WHRN: variants seen among roughly 807,000 people sequenced by gnomAD.
The protein encoded by WHRN is CASK-interacting protein CIP98.
In WHRN, 41 loss-of-function variants were observed where a neutral mutation model predicts 68.3. That is an observed-to-expected ratio of 0.60 (90% CI 0.47 to 0.78). The LOEUF is 0.78. Among genes scored for constraint, WHRN ranks in the 30% least tolerant of loss-of-function variants. The pLI is 0.00. For synonymous variants in WHRN, 560 were observed against 561.3 expected (o/e 1.00, Z 0.03); for missense variants, 1,243 against 1,244.7 (o/e 1.00, Z 0.02).
At chr9:114,421,219 G>C (rs964133681) in intron 7 of WHRN, among the ~76,000 whole-genome samples, 25 of 152,226 alleles carry the variant, frequency 1.6e-4, no homozygotes, top group Admixed American at 1.2e-3. Flanking sequence ...CCCTCTGGCA[G>C]AGCAGGGCCA....
chr9:114,462,573 G>A (rs1473705611), intron 3 of WHRN, among the ~76,000 whole-genome samples: 2 of 152,194 alleles, frequency 1.3e-5, no homozygotes, highest in African/African-American at 4.8e-5. Context: ...ATAACAGAAA[G>A]AATTTGATCT....
At chr9:114,449,080 C>G (rs1839085639) in intron 3 of WHRN, among the ~76,000 whole-genome samples, 1 of 152,224 alleles carries the variant, frequency 6.6e-6, no homozygotes, top group Admixed American at 6.5e-5. Context: ...TTCTATCCCA[C>G]AGCAGAGGCT....
chr9:114,488,007 C>G (rs1441290354), intron 1 of WHRN, among the ~76,000 whole-genome samples: 1 of 152,332 alleles, frequency 6.6e-6, no homozygotes, highest in Non-Finnish European at 1.5e-5. Flanking sequence ...TAAAGCACTG[C>G]AAAGCACCAA....
At chr9:114,469,222 C>T (rs927961945) in intron 2 of WHRN, among the ~76,000 whole-genome samples, 3 of 152,202 alleles carry the variant, frequency 2.0e-5, no homozygotes, top group Admixed American at 6.5e-5. Flanking sequence ...GCAGGTGTGG[C>T]CTTCCTCAGG....
chr9:114,494,384 A>AT (rs1843269843), intron 1 of WHRN, among the ~76,000 whole-genome samples: 1 of 152,162 alleles, frequency 6.6e-6, no homozygotes, highest in South Asian at 2.1e-4. Context: ...AATCATCAGT[A>AT]TCCCCATTTT....
At chr9:114,449,827 G>A (rs1367912017) in intron 3 of WHRN, among the ~76,000 whole-genome samples, 3 of 152,204 alleles carry the variant, frequency 2.0e-5, no homozygotes, top group Non-Finnish European at 2.9e-5. Context: ...GACAATTACA[G>A]CTACCATTTC....
At chr9:114,485,635 TG>T (rs1842418413) in intron 1 of WHRN, among the ~76,000 whole-genome samples, 1 of 152,104 alleles carries the variant, frequency 6.6e-6, no homozygotes, top group Admixed American at 6.5e-5. Context: ...GAGGTTACCA[TG>T]AGCCAAGATT....
At chr9:114,486,444 A>G (rs551027524) in intron 1 of WHRN, among the ~76,000 whole-genome samples, 28 of 152,306 alleles carry the variant, frequency 1.8e-4, no homozygotes, top group Non-Finnish European at 2.8e-4. Flanking sequence ...CTTGAGGCAC[A>G]TTACATGTTC....
intron 7 of WHRN, among the ~76,000 whole-genome samples, chr9:114,410,683 C>A (rs1047011325): frequency 6.6e-6 from 1 of 152,228 alleles, no homozygotes; most frequent in Non-Finnish European, 1.5e-5. Flanking sequence ...GCTTCAGGGG[C>A]ATAGTCAGGC....
At position 114,484,395 on chromosome 9, in the gene WHRN, C is replaced by A. The variant is rs544103033; in HGVS notation, c.619-5624G>T. ...ATGGCATATTAGCTGTGCCACCTCACACAAGTTACCAAACCTCTCTGTTCT... is the reference window on the plus strand; with the variant it reads ...ATGGCATATTAGCTGTGCCACCTCAAACAAGTTACCAAACCTCTCTGTTCT... On this transcript the variant is annotated intron_variant, in intron 1 of 11. Transcript: ENST00000362057. 5.3e-5 allele frequency among the ~76,000 whole-genome samples: 8 copies of A among 152,374 alleles called. No individual in the cohort carries two copies. The South Asian group carries it at 1.7e-3, about 32-fold the overall frequency.
intron 4 of WHRN, chr9:114,425,832 C>T (rs1836799649): frequency 3.0e-6 from 1 of 334,956 alleles, no homozygotes; most frequent in Non-Finnish European, 5.8e-6. Context: ...GCCTGGTGGC[C>T]TCTGGCCAAA....
intron 2 of WHRN, 41 bp downstream of exon 2, chr9:114,478,512 C>T (rs777966711): frequency 1.6e-5 from 25 of 1,603,698 alleles, no homozygotes; most frequent in Admixed American, 1.0e-4. Flanking sequence ...AGGGAGAATA[C>T]GGTGTCTGAG....
chr9:114,472,222 C>A (rs1841286873), intron 2 of WHRN, among the ~76,000 whole-genome samples: 1 of 152,220 alleles, frequency 6.6e-6, no homozygotes, highest in Non-Finnish European at 1.5e-5. Context: ...CCGGCTGGAA[C>A]CTCATATGCA....
At chr9:114,482,741 T>C (rs551146509) in intron 1 of WHRN, among the ~76,000 whole-genome samples, 16 of 152,072 alleles carry the variant, frequency 1.1e-4, no homozygotes, top group Non-Finnish European at 2.2e-4. Flanking sequence ...ATTTGTATTC[T>C]TTATCACCAG....
At chr9:114,486,957 GTGTATATATATATATATA>G (rs1336507332) in intron 1 of WHRN, among the ~76,000 whole-genome samples, 70 of 2,884 alleles carry the variant, frequency 0.024, 1 homozygote, top group African/African-American at 0.03. Flanking sequence ...GTGTGTGTGT[GTGTATATATATATATATA>G]TATATATATA....
chr9:114,444,770 T>TA lies in WHRN; in HGVS notation c.964-18358_964-18357insT, dbSNP rs201258782. On this transcript the variant is annotated intron_variant, in intron 3 of 11. Coordinates refer to ENST00000362057, the MANE Select transcript of WHRN (RefSeq NM_015404.4). ...ATATTTTGCAAAGGTCTTTCTCACA[T>TA]GAAGGATCTGAATGCTATATATATA... 1.8e-4 allele frequency among the ~76,000 whole-genome samples: 27 copies of TA among 151,856 alleles called. No individual in the cohort carries two copies. In the East Asian group the frequency reaches 4.8e-3, roughly 27 times the overall value.
chr9:114,452,779 T>G (rs1271300480), intron 3 of WHRN, among the ~76,000 whole-genome samples: 1 of 152,136 alleles, frequency 6.6e-6, no homozygotes, highest in Non-Finnish European at 1.5e-5. Context: ...GGAGGGCAGA[T>G]GGCGGGAATC....
Position 114,459,303 on chromosome 9 carries a change from C to CAAA in WHRN, c.963+6961_963+6963dup, listed in dbSNP as rs10679870. On this transcript the variant is annotated intron_variant, in intron 3 of 11. Coordinates refer to ENST00000362057, the MANE Select transcript of WHRN (RefSeq NM_015404.4). ...TTAAATCCTGTTTCTACTAAAAATA[C>CAAA]AAAAAAAAAAATTAGCCAGGTGTGG... Among the ~76,000 whole-genome samples the CAAA allele has an allele frequency of 3.0e-3, 445 of 149,338 alleles. 2 individuals carry two copies. The highest frequency in any genetic ancestry group is 5.1e-3 in the South Asian group (24 of 4,736).
At chr9:114,418,340 C>T (rs2132301308) in intron 7 of WHRN, among the ~76,000 whole-genome samples, 1 of 152,304 alleles carries the variant, frequency 6.6e-6, no homozygotes, top group Admixed American at 6.5e-5. Context: ...GGGGCTGACC[C>T]AGCCACAGGA....
Sources: gnomAD v4.1 joint callset for allele counts (sites outside exome capture counted in the v4.1 genomes callset) on GRCh38, gnomAD v4.1.1 for gene constraint, MANE v1.5 for transcripts, NCBI Gene and HGNC (gene_info 2026-07-23, HGNC 2026-07-21) for gene names.